The following SH3BGRL variants were observed in gnomAD, a reference collection of about 807,000 sequenced individuals.
SH3BGRL encodes the protein SH3 domain binding glutamate rich protein like, also known as adapter SH3BGRL.
A neutral mutation model predicts 9.8 loss-of-function variants in SH3BGRL; 7 were observed. That is an observed-to-expected ratio of 0.72 (90% confidence interval 0.41 to 1.35). The LOEUF (loss-of-function observed/expected upper bound fraction) is 1.35, where lower values mean the gene tolerates loss of function less well. Ranked by LOEUF, SH3BGRL falls within the 40% of genes most tolerant of loss-of-function variation. The probability of loss-of-function intolerance (pLI) is 0.01; values close to 1 mark genes in which losing one functional copy is unlikely to be tolerated. For synonymous variants in SH3BGRL, 36 were observed against 29.1 expected (o/e 1.24, Z -0.76); for missense variants, 73 against 84.4 (o/e 0.86, Z 0.53).
intron 1 of SH3BGRL, among the ~76,000 whole-genome samples, chrX:81,220,643 A>T: frequency 1.0e-5 from 1 of 98,316 alleles, no homozygotes; most frequent in Non-Finnish European, 2.1e-5. Flanking sequence ...TTATTTATTT[A>T]TTTTCTTCTA....
intron 1 of SH3BGRL, among the ~76,000 whole-genome samples, chrX:81,241,252 G>C (rs982617809): frequency 8.9e-6 from 1 of 112,265 alleles, no homozygotes; most frequent in Non-Finnish European, 1.9e-5. Flanking sequence ...GGAGGCTGAG[G>C]GTTGCTTGGC....
intron 1 of SH3BGRL, among the ~76,000 whole-genome samples, chrX:81,212,051 G>GATTC (rs1437718278): frequency 5.4e-5 from 6 of 110,443 alleles, no homozygotes; most frequent in Non-Finnish European, 7.6e-5. Flanking sequence ...CTTCTCAAAG[G>GATTC]ATTCAGTAGT....
chrX:81,218,787 G>A (rs866706842), intron 1 of SH3BGRL, among the ~76,000 whole-genome samples: 9 of 83,180 alleles, frequency 1.1e-4, no homozygotes, highest in Admixed American at 2.6e-4. Flanking sequence ...ATATATATCT[G>A]TATGTATATA....
chrX:81,294,390 G>C (rs777935613), intron 3 of SH3BGRL, among the ~76,000 whole-genome samples: 3 of 109,843 alleles, frequency 2.7e-5, no homozygotes, highest in African/African-American at 1.0e-4. Context: ...TGACTAAAAG[G>C]GGCCAAAGTA....
rs966151318 is a variant in SH3BGRL at position 81,277,105 on chromosome X, A to C, written c.167A>C (p.Asn56Thr). ...RKWMRENVPE[N>T]SRPATGYPLP... ...TGGATGAGAGAAAATGTACCTGAAA[A>C]TAGTCGACCAGCCACAGGTTACCCC... Residue 56 changes from asparagine (N) to threonine (T), a missense_variant, in exon 2 of 4, where the codon AAT becomes ACT. By Grantham distance (65) the Asn-to-Thr change is moderately conservative (BLOSUM62 0). Coordinates refer to ENST00000373212, the MANE Select transcript of SH3BGRL (RefSeq NM_003022.3). 2 of 1,208,890 alleles carry C rather than the reference A, an allele frequency of 1.7e-6. No homozygotes were observed. Among genetic ancestry groups the C allele is most frequent in the Non-Finnish European group, 2.2e-6 (2 of 894,356 alleles).
At chrX:81,223,068 A>T (rs1318991258) in intron 1 of SH3BGRL, among the ~76,000 whole-genome samples, 1 of 111,077 alleles carries the variant, frequency 9.0e-6, no homozygotes, top group African/African-American at 3.3e-5. Context: ...CAGATTCTGG[A>T]TATTAGCCCT....
chrX:81,220,356 T>C (rs994759385), intron 1 of SH3BGRL, among the ~76,000 whole-genome samples: 1 of 111,588 alleles, frequency 9.0e-6, no homozygotes. Context: ...GTAAGTTGTA[T>C]CTGTCTAGGA....
rs145042808 is a variant in SH3BGRL, at chrX:81,288,274, A to G, written c.313-8921A>G. Among the ~76,000 whole-genome samples, 1,118 of 112,253 alleles carry G rather than the reference A, an allele frequency of 1.0e-2. 3 individuals are homozygous for G. The highest frequency in any genetic ancestry group is 0.023 in the Middle Eastern group (5 of 216). On this transcript the variant is annotated intron_variant, in intron 3 of 3. Transcript: ENST00000373212. ...AAAAGCCATCAAAAAGACTTAGTAT[A>G]GAAGGAACATACTTCAACACAATAA...
intron 1 of SH3BGRL, among the ~76,000 whole-genome samples, chrX:81,256,230 T>G (rs777070762): frequency 3.6e-5 from 4 of 112,040 alleles, no homozygotes; most frequent in Non-Finnish European, 5.6e-5. Flanking sequence ...TGCTTCAGAT[T>G]TATCTATTCA....
chrX:81,205,870 C>G (rs1225825287), intron 1 of SH3BGRL, among the ~76,000 whole-genome samples: 1 of 110,719 alleles, frequency 9.0e-6, no homozygotes, highest in African/African-American at 3.3e-5. Flanking sequence ...GTGCCCTTAC[C>G]AGCATTTGTT....
intron 1 of SH3BGRL, among the ~76,000 whole-genome samples, chrX:81,243,352 G>A (rs1410046506): frequency 8.9e-6 from 1 of 111,859 alleles, no homozygotes; most frequent in Non-Finnish European, 1.9e-5. Flanking sequence ...TAAACTCATG[G>A]CCATAGAAAG....
intron 1 of SH3BGRL, among the ~76,000 whole-genome samples, chrX:81,240,543 G>A (rs764429605): frequency 9.0e-6 from 1 of 111,666 alleles, no homozygotes; most frequent in South Asian, 3.8e-4. Context: ...AACTGAAGAG[G>A]GCTCCAAAAA....
chrX:81,281,484 T>G (rs1380025006), intron 3 of SH3BGRL, among the ~76,000 whole-genome samples: 2 of 112,014 alleles, frequency 1.8e-5, no homozygotes, highest in Non-Finnish European at 3.8e-5. Context: ...GCAAAAACCC[T>G]ACAAGCTAGA....
chrX:81,229,979 C>T (rs753351684), intron 1 of SH3BGRL, among the ~76,000 whole-genome samples: 13 of 111,594 alleles, frequency 1.2e-4, no homozygotes, highest in African/African-American at 3.3e-4. Context: ...AGGCATATGT[C>T]GTAGTGGAAG....
intron 1 of SH3BGRL, among the ~76,000 whole-genome samples, chrX:81,205,966 C>T (rs183151845): frequency 1.8e-5 from 2 of 111,152 alleles, no homozygotes; most frequent in African/African-American, 3.3e-5. Flanking sequence ...GTTAGTGATG[C>T]GGAACATTTT....
intron 1 of SH3BGRL, among the ~76,000 whole-genome samples, chrX:81,239,747 G>A (rs902618434): frequency 8.9e-6 from 1 of 111,875 alleles, no homozygotes; most frequent in Non-Finnish European, 1.9e-5. Context: ...CAAAGATCAA[G>A]GATAAAGAAA....
intron 1 of SH3BGRL, among the ~76,000 whole-genome samples, chrX:81,207,864 C>CTGATCAG (rs2075551866): frequency 8.9e-6 from 1 of 111,746 alleles, no homozygotes; most frequent in Non-Finnish European, 1.9e-5. Context: ...CAAAAAGAGG[C>CTGATCAG]TGATCAGTGA....
chrX:81,215,754 A>G (rs1416654968), intron 1 of SH3BGRL, among the ~76,000 whole-genome samples: 3 of 111,632 alleles, frequency 2.7e-5, no homozygotes, highest in Admixed American at 9.5e-5. Context: ...CTGAAAAGTG[A>G]TAAGTTATTA....
Position 81,237,829 on chromosome X carries a change from G to A in SH3BGRL, c.45+35584G>A, listed in dbSNP as rs185334649. Among the ~76,000 whole-genome samples, 11 of 105,312 alleles carry A rather than the reference G, an allele frequency of 1.0e-4. No homozygotes were observed. The East Asian group carries it at 1.2e-3, about 12-fold the overall frequency. The allele number at this position is 105,312 out of a possible 115,157, so 91.5% of individuals were successfully genotyped here. On this transcript the variant is annotated intron_variant, in intron 1 of 3. Transcript: ENST00000373212. ...CACAGCTCACAGCTCCAAAAGAAGCGCCTTCCTTCTGCTTGAGGAGAGGAG... is the reference window on the plus strand; with the variant it reads ...CACAGCTCACAGCTCCAAAAGAAGCACCTTCCTTCTGCTTGAGGAGAGGAG...
Sources: gnomAD v4.1 joint callset for allele counts (sites outside exome capture counted in the v4.1 genomes callset) on GRCh38, gnomAD v4.1.1 for gene constraint, MANE v1.5 for transcripts, NCBI Gene and HGNC (gene_info 2026-07-23, HGNC 2026-07-21) for gene names.